TXNL4A: variants seen among roughly 807,000 people sequenced by gnomAD.
The protein encoded by TXNL4A is thioredoxin like 4A, also known as thioredoxin-like protein 4A.
TXNL4A carries 17 observed loss-of-function variants against 14.6 expected under a neutral mutation model. The observed-to-expected ratio is 1.16, with a 90% CI of 0.80 to 1.74. TXNL4A has a LOEUF of 1.74. Among genes scored for constraint, TXNL4A ranks in the 40% most tolerant of loss-of-function variants. TXNL4A has a pLI of 0.00. For missense variants in TXNL4A, 74 were observed against 195.2 expected, an observed-to-expected ratio of 0.38 and a Z score of 3.70; for synonymous variants, 83 against 70.6, an observed-to-expected ratio of 1.18 and a Z score of -0.88.
In TXNL4A at chr18:80,011,179, T is replaced by C. The variant is rs1479610394; in HGVS notation, c.-61+22672A>G. Reference sequence around the variant, plus strand: ...AAAGGCCAAACACTAATATAAAACATATAAGGAAAAGAGGTTTTCGTAGGG... The same window carrying C: ...AAAGGCCAAACACTAATATAAAACACATAAGGAAAAGAGGTTTTCGTAGGG... On this transcript the variant is annotated intron_variant, in intron 1 of 2. Coordinates refer to the TXNL4A transcript ENST00000585474. This position sits in a 1 kb window ranked among gnomAD's most constrained non-coding sequence, Gnocchi z 4.1. Among the ~76,000 whole-genome samples, 1 of 152,136 alleles carries C rather than the reference T, an allele frequency of 6.6e-6. No individual in the cohort carries two copies. The highest frequency in any genetic ancestry group is 2.4e-5 in the African/African-American group (1 of 41,430).
intron 1 of TXNL4A, among the ~76,000 whole-genome samples, chr18:79,978,486 G>C (rs1286762978): frequency 6.6e-6 from 1 of 152,126 alleles, no homozygotes; most frequent in Middle Eastern, 3.4e-3. Flanking sequence ...CAACACCTAG[G>C]GGTGACTGCT....
chr18:80,013,472 T>C (rs931296005), intron 1 of TXNL4A, among the ~76,000 whole-genome samples: 6 of 151,742 alleles, frequency 4.0e-5, no homozygotes, highest in African/African-American at 1.2e-4. Flanking sequence ...TCTCACTCTG[T>C]TGCCCAGGCT....
intron 1 of TXNL4A, among the ~76,000 whole-genome samples, chr18:80,002,480 C>T (rs1173056167): frequency 6.6e-6 from 1 of 152,118 alleles, no homozygotes; most frequent in Non-Finnish European, 1.5e-5. Flanking sequence ...TTATAGAGTC[C>T]AAACTCATGT....
intron 1 of TXNL4A, among the ~76,000 whole-genome samples, chr18:80,013,332 C>G (rs2051784806): frequency 6.6e-6 from 1 of 151,750 alleles, no homozygotes; most frequent in Admixed American, 6.6e-5. Context: ...CCATGTTAAC[C>G]AGGATGCTCT....
chr18:80,004,073 T>C (rs12607007), intron 1 of TXNL4A, among the ~76,000 whole-genome samples: 17,079 of 151,608 alleles, frequency 0.11, 1,189 homozygotes, highest in East Asian at 0.27. Flanking sequence ...AAGAAATCAT[T>C]CCTTCTTATC....
intron 1 of TXNL4A, among the ~76,000 whole-genome samples, chr18:79,998,228 G>A (rs957744793): frequency 6.6e-6 from 1 of 151,990 alleles, no homozygotes; most frequent in Non-Finnish European, 1.5e-5. Context: ...GGGAGGCAGA[G>A]CTTGCAGTGA....
intron 1 of TXNL4A, among the ~76,000 whole-genome samples, chr18:79,987,865 AG>A (rs1362079954): frequency 6.6e-6 from 1 of 152,284 alleles, no homozygotes; most frequent in Non-Finnish European, 1.5e-5. Context: ...CGAATAACTC[AG>A]GTACCAAAAA....
At chr18:79,999,920 G>T (rs1205098055) in intron 1 of TXNL4A, among the ~76,000 whole-genome samples, 1 of 152,048 alleles carries the variant, frequency 6.6e-6, no homozygotes, top group East Asian at 1.9e-4. Flanking sequence ...CTTTTGCTTG[G>T]CTCCCATTCT....
intron 1 of TXNL4A, among the ~76,000 whole-genome samples, chr18:80,020,561 T>A (rs2051841797): frequency 6.6e-6 from 1 of 152,170 alleles, no homozygotes; most frequent in Non-Finnish European, 1.5e-5. Context: ...TGAGCCTAAG[T>A]TAAAACTCCC....
At position 79,996,806 on chromosome 18, in the gene TXNL4A, G is replaced by C. The variant is rs1226364039; in HGVS notation, c.-60-19105C>G. ...AAAAATACAAAAATTAGCCAGGCGTGGTAGCGCATGCCTGTAATCCCAGCT... is the reference window on the plus strand; with the variant it reads ...AAAAATACAAAAATTAGCCAGGCGTCGTAGCGCATGCCTGTAATCCCAGCT... On this transcript the variant is annotated intron_variant, in intron 1 of 2. Coordinates refer to the TXNL4A transcript ENST00000585474. Among the ~76,000 whole-genome samples, 3 of 152,230 alleles carry C rather than the reference G, an allele frequency of 2.0e-5. No individual in the cohort carries two copies. The East Asian group carries it at 5.8e-4, about 29-fold the overall frequency.
Position 79,973,870 on chromosome 18 carries a change from C to T in TXNL4A, c.258-14G>A, listed in dbSNP as rs753837086. The T allele has an allele frequency of 2.5e-6, 4 of 1,611,980 alleles. No individual in the cohort carries two copies. Among genetic ancestry groups the T allele is most frequent in the South Asian group, 2.2e-5 (2 of 90,614 alleles). ...ATGTGCTTGTTCCTGCAACGAGAAA[C>T]AAGGGCATCCATTCTCATAGAAGTC... On this transcript the variant is annotated splice_polypyrimidine_tract_variant and intron_variant, in intron 2 of 2. Transcript: ENST00000269601.
chr18:79,988,158 C>G (rs1360532562), intron 1 of TXNL4A, 82 bp downstream of exon 1: 4 of 1,324,590 alleles, frequency 3.0e-6, no homozygotes, highest in Non-Finnish European at 3.9e-6. Context: ...ACAGCTCGCG[C>G]CCCCAGGCGA....
chr18:79,987,461 T>C (rs1015714419), intron 1 of TXNL4A, among the ~76,000 whole-genome samples: 13 of 151,852 alleles, frequency 8.6e-5, no homozygotes, highest in African/African-American at 2.7e-4. Context: ...CTCAAATTAC[T>C]TATGGAAAAT....
In TXNL4A at chr18:79,982,553, C is replaced by T. The variant is rs111229952; in HGVS notation, c.154-4852G>A. Among the ~76,000 whole-genome samples, 9 of 152,126 alleles carry T rather than the reference C, an allele frequency of 5.9e-5. No individual in the cohort carries two copies. In the South Asian group the frequency reaches 1.9e-3, roughly 32 times the overall value. On this transcript the variant is annotated intron_variant, in intron 1 of 2. Coordinates refer to ENST00000269601, the MANE Select transcript of TXNL4A (RefSeq NM_006701.5). This position sits in a 1 kb window ranked among gnomAD's most constrained non-coding sequence, Gnocchi z 4.0. The stretch of plus-strand genomic sequence containing the variant: ...AGAGTTGGGGGCAGGAAAGGGATGC[C>T]AAGGAGGCAGTCTCAGAAACCAAGG...
chr18:79,975,955 A>G (rs573836773), intron 2 of TXNL4A, among the ~76,000 whole-genome samples: 9 of 152,328 alleles, frequency 5.9e-5, no homozygotes, highest in Non-Finnish European at 1.0e-4. Context: ...CTGAACACAC[A>G]GTAGAGAAAA....
At chr18:79,996,372 A>G (rs2051662607) in intron 1 of TXNL4A, among the ~76,000 whole-genome samples, 2 of 152,174 alleles carry the variant, frequency 1.3e-5, no homozygotes, top group Non-Finnish European at 2.9e-5. Context: ...CATACGTGAG[A>G]GTAATGAAAG....
intron 1 of TXNL4A, among the ~76,000 whole-genome samples, chr18:79,996,948 GA>G (rs1357149222): frequency 1.3e-5 from 2 of 151,954 alleles, no homozygotes; most frequent in East Asian, 3.9e-4. Flanking sequence ...ATCTCACAAA[GA>G]AAAAACAAGA....
chr18:80,026,274 C>T (rs2051883925), intron 1 of TXNL4A, among the ~76,000 whole-genome samples: 1 of 152,170 alleles, frequency 6.6e-6, no homozygotes, highest in Non-Finnish European at 1.5e-5. Context: ...AAGCAATTAA[C>T]TTCAAAACCT....
chr18:79,996,035 C>T (rs964251484), intron 1 of TXNL4A, among the ~76,000 whole-genome samples: 25 of 126,730 alleles, frequency 2.0e-4, no homozygotes, highest in Non-Finnish European at 2.7e-4. Context: ...ACCTGGGAGG[C>T]GGAGCTTGCA....
Sources: gnomAD v4.1 joint callset for allele counts (sites outside exome capture counted in the v4.1 genomes callset) on GRCh38, gnomAD v4.1.1 for gene constraint, Gnocchi (gnomAD v3.1) non-coding constraint, MANE v1.5 for transcripts, NCBI Gene and HGNC (gene_info 2026-07-23, HGNC 2026-07-21) for gene names.